EYS: variants seen among roughly 807,000 people sequenced by gnomAD.
EYS encodes the protein EGF-like photoreceptor maintenance factor.
A neutral mutation model predicts 282.1 loss-of-function variants in EYS; 250 were observed. The observed-to-expected ratio is 0.89, with a 90% CI of 0.80 to 0.98. The LOEUF is 0.98. Among genes scored for constraint, EYS ranks in the 50% least tolerant of loss-of-function variants. The probability of loss-of-function intolerance (pLI) is 0.00; values close to 1 mark genes in which losing one functional copy is unlikely to be tolerated. For synonymous variants in EYS, 1,355 were observed against 1,282.9 expected (o/e 1.06, Z -1.20); for missense variants, 4,016 against 3,709.0 (o/e 1.08, Z -2.15).
intron 28 of EYS, among the ~76,000 whole-genome samples, chr6:64,390,225 T>A (rs183712032): frequency 0.022 from 3,327 of 151,990 alleles, 139 homozygotes; most frequent in African/African-American, 0.075. Context: ...CCAGGCTTGA[T>A]TAGGTAAACA....
rs751296542 is a variant in EYS, at chr6:65,494,721, A to G, written c.690T>C (p.Asn230=). The change falls in exon 4 of 43, where the codon AAT becomes AAC. Residue 230 remains asparagine (N), a synonymous_variant. Transcript: ENST00000503581. ...CTTGCTCATCCCAATTTTCTCTTTTATTAATGCAACTGCCATTATTTTTAC... is the reference window on the plus strand; with the variant it reads ...CTTGCTCATCCCAATTTTCTCTTTTGTTAATGCAACTGCCATTATTTTTAC... The part of the protein sequence containing the change: ...KPCKNNGSCI[N]KRENWDEQAY... 3.1e-6 allele frequency: 5 copies of G among 1,608,720 alleles called. No individual in the cohort carries two copies. The highest frequency in any genetic ancestry group is 2.5e-6 in the Non-Finnish European group (3 of 1,176,936).
chr6:65,361,941 G>C (rs1485439098), intron 8 of EYS, among the ~76,000 whole-genome samples: 1 of 152,112 alleles, frequency 6.6e-6, no homozygotes, highest in East Asian at 1.9e-4. Context: ...TGATTGTGAA[G>C]AAATGTACAC....
chr6:65,249,136 A>G (rs1252401608), intron 12 of EYS, among the ~76,000 whole-genome samples: 1 of 151,946 alleles, frequency 6.6e-6, no homozygotes, highest in Admixed American at 6.6e-5. Context: ...ATAAGAACAA[A>G]GTATAAAAGA....
At chr6:64,655,163 T>G (rs548764215) in intron 22 of EYS, among the ~76,000 whole-genome samples, 1 of 152,302 alleles carries the variant, frequency 6.6e-6, no homozygotes, top group Non-Finnish European at 1.5e-5. Flanking sequence ...CAAGGACAGC[T>G]ATAAAATTCA....
intron 30 of EYS, among the ~76,000 whole-genome samples, chr6:64,249,061 C>T (rs1767115441): frequency 1.3e-5 from 1 of 74,478 alleles, no homozygotes; most frequent in Non-Finnish European, 2.3e-5. Flanking sequence ...GACACCCTGT[C>T]TCAAAAAAAA....
chr6:65,615,883 G>A (rs955545454), intron 2 of EYS, among the ~76,000 whole-genome samples: 3 of 151,454 alleles, frequency 2.0e-5, no homozygotes, highest in Non-Finnish European at 4.4e-5. Context: ...GCAGTGAGCT[G>A]AGATCGCACC....
At chr6:65,408,326 T>C (rs919929160) in intron 5 of EYS, among the ~76,000 whole-genome samples, 1 of 152,052 alleles carries the variant, frequency 6.6e-6, no homozygotes, top group African/African-American at 2.4e-5. Flanking sequence ...AAGTGTTCCT[T>C]TCTCTTCTCT....
At chr6:65,364,247 G>GTTT (rs33923001) in intron 8 of EYS, among the ~76,000 whole-genome samples, 23 of 146,388 alleles carry the variant, frequency 1.6e-4, no homozygotes, top group African/African-American at 2.0e-4. Context: ...TCAACTAAAT[G>GTTT]TTTTTTTTTT....
intron 22 of EYS, among the ~76,000 whole-genome samples, chr6:64,754,752 T>C (rs942972761): frequency 2.0e-5 from 3 of 152,092 alleles, no homozygotes; most frequent in Admixed American, 2.0e-4. Flanking sequence ...CAGAATCCCT[T>C]TATGATTAAA....
At chr6:64,986,954 C>T (rs1365237384) in intron 14 of EYS, among the ~76,000 whole-genome samples, 1 of 151,406 alleles carries the variant, frequency 6.6e-6, no homozygotes, top group African/African-American at 2.4e-5. Flanking sequence ...AGAGAGTACT[C>T]TCTTTTTCCA....
intron 26 of EYS, among the ~76,000 whole-genome samples, chr6:64,521,558 T>G (rs1398071960): frequency 6.6e-6 from 1 of 151,788 alleles, no homozygotes; most frequent in Non-Finnish European, 1.5e-5. Flanking sequence ...TTACGGCTGC[T>G]CCTTCTATTC....
intron 2 of EYS, among the ~76,000 whole-genome samples, chr6:65,514,216 G>C (rs943503643): frequency 2.0e-5 from 3 of 151,852 alleles, no homozygotes; most frequent in Non-Finnish European, 4.4e-5. Flanking sequence ...AAAATACCTA[G>C]GAATCCAACT....
At chr6:64,767,928 C>A (rs1023517686) in intron 22 of EYS, among the ~76,000 whole-genome samples, 10 of 152,038 alleles carry the variant, frequency 6.6e-5, no homozygotes, top group Non-Finnish European at 1.5e-5. Context: ...CCTGTTTTTG[C>A]ATCCTTGCCA....
At chr6:65,488,564 T>C (rs983684867) in intron 5 of EYS, among the ~76,000 whole-genome samples, 1 of 152,154 alleles carries the variant, frequency 6.6e-6, no homozygotes, top group African/African-American at 2.4e-5. Context: ...AAGTAATTTA[T>C]AGATTAAATG....
chr6:63,986,242 G>A (rs182589938), intron 34 of EYS, among the ~76,000 whole-genome samples: 1 of 151,952 alleles, frequency 6.6e-6, no homozygotes, highest in Non-Finnish European at 1.5e-5. Context: ...ACACCAGTCA[G>A]AAGGGTTACT....
intron 29 of EYS, among the ~76,000 whole-genome samples, chr6:64,344,652 C>T (rs540546892): frequency 3.3e-5 from 5 of 152,152 alleles, no homozygotes; most frequent in South Asian, 2.1e-4. Context: ...ACGGGGATGC[C>T]CTCTCTCACC....
At position 65,094,317 on chromosome 6, in the gene EYS, G is replaced by GA. The variant is rs35028634; in HGVS notation, c.2024-36591dup. 6.7e-3 allele frequency among the ~76,000 whole-genome samples: 491 copies of GA among 73,764 alleles called. 3 individuals are homozygous for GA. Among genetic ancestry groups the GA allele is most frequent in the East Asian group, 0.013 (27 of 2,096 alleles). The allele number at this position is 73,764 out of a possible 152,430, so 48.4% of individuals were successfully genotyped here. On this transcript the variant is annotated intron_variant, in intron 12 of 42. Transcript: ENST00000503581. ...TCAATAATGAATGGGATATCTTAAC[G>GA]AAAAAAAAAAAAAAAAAAAGCAAAC... is the stretch of plus-strand genomic sequence containing the variant.
chr6:65,359,811 A>T (rs1764630724), intron 8 of EYS, among the ~76,000 whole-genome samples: 1 of 152,120 alleles, frequency 6.6e-6, no homozygotes, highest in Admixed American at 6.6e-5. Context: ...AAATGGGTTC[A>T]AAAGCATTAA....
chr6:65,620,809 T>C, intron 2 of EYS, among the ~76,000 whole-genome samples: 1 of 152,166 alleles, frequency 6.6e-6, no homozygotes, highest in East Asian at 1.9e-4. Flanking sequence ...TTTTGTTATG[T>C]ACCCAGTAGT....
Sources: gnomAD v4.1 joint callset for allele counts (sites outside exome capture counted in the v4.1 genomes callset) on GRCh38, gnomAD v4.1.1 for gene constraint, MANE v1.5 for transcripts, NCBI Gene and HGNC (gene_info 2026-07-23, HGNC 2026-07-21) for gene names.